ARHGEF10L: variants seen among roughly 807,000 people sequenced by gnomAD.
ARHGEF10L encodes rho guanine nucleotide exchange factor 10-like protein.
A neutral mutation model predicts 141.2 loss-of-function variants in ARHGEF10L; 69 were observed. The ratio of observed to expected loss-of-function variants is 0.49; its 90% confidence interval spans 0.40 to 0.60. ARHGEF10L has a LOEUF of 0.60. Among genes scored for constraint, ARHGEF10L ranks in the 20% least tolerant of loss-of-function variants. The pLI is 0.00. For synonymous variants in ARHGEF10L, 711 were observed against 718.5 expected (o/e 0.99, Z 0.17); for missense variants, 1,482 against 1,734.3 (o/e 0.85, Z 2.58).
At chr1:17,548,494 A>G (rs1341617918) in intron 1 of ARHGEF10L, among the ~76,000 whole-genome samples, 1 of 152,058 alleles carries the variant, frequency 6.6e-6, no homozygotes, top group African/African-American at 2.4e-5. Flanking sequence ...TGTTATGCAG[A>G]TAAAGTAAGG....
Position 17,644,155 on chromosome 1 carries a change from TA to T in ARHGEF10L, c.2272+3855del, listed in dbSNP as rs1302879965. 6.6e-6 allele frequency among the ~76,000 whole-genome samples: 1 copy of T among 152,226 alleles called. No homozygotes were observed. The highest frequency in any genetic ancestry group is 1.5e-5 in the Non-Finnish European group (1 of 68,042). On this transcript the variant is annotated intron_variant, in intron 21 of 28. Coordinates refer to ENST00000361221, the MANE Select transcript of ARHGEF10L (RefSeq NM_018125.4). This position sits in a 1 kb window ranked among gnomAD's most constrained non-coding sequence, Gnocchi z 4.5. ...GGCTAATGCCAAACTCACAGGGACA[TA>T]ACCAGGTGGCCCAAGGCAGTGAGCC...
chr1:17,689,804 G>A (rs1228429001), intron 27 of ARHGEF10L: 1 of 455,868 alleles, frequency 2.2e-6, no homozygotes, highest in South Asian at 1.5e-5. Context: ...AAAAATCTTT[G>A]GAATCTCGTC....
chr1:17,590,074 C>A lies in ARHGEF10L; in HGVS notation c.257+1595C>A, dbSNP rs187407806. Reference sequence around the variant, plus strand: ...TCCTTCAAGCTACCCTCTTGGAGACCCCAGGAGTTAGGTGATGTGCTCAGG... The same window carrying A: ...TCCTTCAAGCTACCCTCTTGGAGACACCAGGAGTTAGGTGATGTGCTCAGG... On this transcript the variant is annotated intron_variant, in intron 4 of 28. Coordinates refer to ENST00000361221, the MANE Select transcript of ARHGEF10L (RefSeq NM_018125.4). Among the ~76,000 whole-genome samples, 3 of 152,106 alleles carry A rather than the reference C, an allele frequency of 2.0e-5. No homozygotes were observed. In the East Asian group the frequency reaches 5.8e-4, roughly 29 times the overall value.
rs2062249537 is a variant in ARHGEF10L at position 17,656,352 on chromosome 1, G to A, written c.2706-202G>A. On this transcript the variant is annotated intron_variant, in intron 24 of 28. Coordinates refer to ENST00000361221, the MANE Select transcript of ARHGEF10L (RefSeq NM_018125.4). This position sits in a 1 kb window ranked among gnomAD's most constrained non-coding sequence, Gnocchi z 4.9. ...GCCTCCCTGAGTCCTCTTCGTGACA[G>A]AGGTGTCAGGGAGGGTACCGTCCCA... 6.6e-6 allele frequency among the ~76,000 whole-genome samples: 1 copy of A among 152,232 alleles called. No homozygotes were observed. The highest frequency in any genetic ancestry group is 1.9e-4 in the East Asian group (1 of 5,190).
At chr1:17,606,970 AG>A (rs1162418447) in intron 6 of ARHGEF10L, among the ~76,000 whole-genome samples, 2 of 152,192 alleles carry the variant, frequency 1.3e-5, no homozygotes, top group Non-Finnish European at 2.9e-5. Flanking sequence ...TTTCAGTCCA[AG>A]GCATTTCCCG....
At chr1:17,602,370 C>T (rs2080770245) in intron 5 of ARHGEF10L, 152 bp downstream of exon 5, 2 of 808,974 alleles carry the variant, frequency 2.5e-6, no homozygotes, top group Non-Finnish European at 1.9e-6. Flanking sequence ...CAACCACCGC[C>T]CCCAAGAGCC....
the ARHGEF10L span, among the ~76,000 whole-genome samples, chr1:17,527,203 G>A: frequency 6.6e-6 from 1 of 152,190 alleles, no homozygotes; most frequent in Non-Finnish European, 1.5e-5. Flanking sequence ...AGGGAATGCA[G>A]GGGTGGGGGA....
intron 9 of ARHGEF10L, chr1:17,618,612 T>C: frequency 1.0e-6 from 1 of 993,912 alleles, no homozygotes; most frequent in Non-Finnish European, 1.4e-6. Context: ...ACAGCTCCCA[T>C]TTCCTGCTGC....
At chr1:17,677,605 G>C (rs533868707) in intron 26 of ARHGEF10L, among the ~76,000 whole-genome samples, 47 of 152,268 alleles carry the variant, frequency 3.1e-4, no homozygotes, top group South Asian at 1.0e-3. Flanking sequence ...GGGAGATCAG[G>C]GGGGGAGAGA....
intron 25 of ARHGEF10L, among the ~76,000 whole-genome samples, chr1:17,660,021 A>G (rs2062515976): frequency 6.6e-6 from 1 of 152,180 alleles, no homozygotes; most frequent in Non-Finnish European, 1.5e-5. Context: ...TGTCCTCAGG[A>G]GCATCTGCTT....
At chr1:17,541,259 TC>T (rs763286556) in intron 1 of ARHGEF10L, among the ~76,000 whole-genome samples, 58 of 152,254 alleles carry the variant, frequency 3.8e-4, no homozygotes, top group Admixed American at 1.5e-3. Flanking sequence ...CTACTTCCTC[TC>T]CAGTGAGCCA....
intron 18 of ARHGEF10L, among the ~76,000 whole-genome samples, chr1:17,636,632 C>G (rs887893257): frequency 6.6e-6 from 1 of 152,116 alleles, no homozygotes; most frequent in African/African-American, 2.4e-5. Flanking sequence ...CAGAGCCCCT[C>G]TGATGTGAGC....
chr1:17,654,631 T>C lies in ARHGEF10L; in HGVS notation c.2395-5T>C. On this transcript the variant is annotated splice_region_variant and splice_polypyrimidine_tract_variant and intron_variant, in intron 22 of 28. Coordinates refer to ENST00000361221, the MANE Select transcript of ARHGEF10L (RefSeq NM_018125.4). The surrounding 1 kb of genome is among the most constrained non-coding windows in gnomAD (Gnocchi z 4.3). ...ACCTCACATGTACCGTCTCTGTCTC[T>C]GCAGCTTGGGGCCCTGGTCCACAGT... 10 of 1,614,084 alleles carry C rather than the reference T, an allele frequency of 6.2e-6. No individual in the cohort carries two copies. The highest frequency in any genetic ancestry group is 8.5e-6 in the Non-Finnish European group (10 of 1,179,926).
rs536087756 is a variant in ARHGEF10L, at chr1:17,541,721, A to G, written c.-44+1771A>G. Among the ~76,000 whole-genome samples, 6 of 152,298 alleles carry G rather than the reference A, an allele frequency of 3.9e-5. No individual in the cohort carries two copies. The East Asian group carries it at 9.6e-4, about 24-fold the overall frequency. ...AGTAGCTCATGTCTGTAATCCCAGC[A>G]CTTTGGGAGGCTGAGGTGGGCGGAT... On this transcript the variant is annotated intron_variant, in intron 1 of 28. Coordinates refer to ENST00000361221, the MANE Select transcript of ARHGEF10L (RefSeq NM_018125.4).
chr1:17,554,582 C>CG (rs2077234206), intron 1 of ARHGEF10L, among the ~76,000 whole-genome samples: 2 of 144,402 alleles, frequency 1.4e-5, no homozygotes, highest in Non-Finnish European at 3.0e-5. Context: ...TTCCTTCCTT[C>CG]CTTTTTTTTT....
At chr1:17,671,860 G>A (rs1295983507) in intron 26 of ARHGEF10L, among the ~76,000 whole-genome samples, 1 of 152,218 alleles carries the variant, frequency 6.6e-6, no homozygotes, top group Non-Finnish European at 1.5e-5. Context: ...ATGGCCCAAG[G>A]CCAGGCCTGA....
At chr1:17,650,825 C>T (rs1010727054) in intron 22 of ARHGEF10L, among the ~76,000 whole-genome samples, 2 of 151,446 alleles carry the variant, frequency 1.3e-5, no homozygotes, top group African/African-American at 4.9e-5. Flanking sequence ...TTGATGTGGG[C>T]GGAGGCCAGG....
At chr1:17,682,947 T>A (rs2064240508) in intron 26 of ARHGEF10L, among the ~76,000 whole-genome samples, 1 of 152,156 alleles carries the variant, frequency 6.6e-6, no homozygotes, top group African/African-American at 2.4e-5. Flanking sequence ...CAGAGTTTGA[T>A]GAGCTGACAG....
At chr1:17,655,126 C>G (rs1571296929) in intron 23 of ARHGEF10L, among the ~76,000 whole-genome samples, 2 of 152,272 alleles carry the variant, frequency 1.3e-5, no homozygotes, top group South Asian at 4.1e-4. Context: ...TCCCTTGATT[C>G]AAGTGAGGTA....
Sources: gnomAD v4.1 joint callset for allele counts (sites outside exome capture counted in the v4.1 genomes callset) on GRCh38, gnomAD v4.1.1 for gene constraint, Gnocchi (gnomAD v3.1) non-coding constraint, MANE v1.5 for transcripts, NCBI Gene and HGNC (gene_info 2026-07-23, HGNC 2026-07-21) for gene names.